The following RGS20 variants were observed in gnomAD, a reference collection of about 807,000 sequenced individuals.
RGS20 encodes regulator of G protein signaling 20, also known as gz-selective GTPase-activating protein.
Under a neutral mutation model 33.6 loss-of-function variants are expected in RGS20, and 30 were observed. The observed-to-expected ratio is 0.89, with a 90% CI of 0.67 to 1.21. The LOEUF (loss-of-function observed/expected upper bound fraction) is 1.21. Ranked by LOEUF, RGS20 falls within the 50% of genes most tolerant of loss-of-function variation. The pLI, the probability that RGS20 is intolerant of heterozygous loss-of-function variation, is 0.00. For synonymous variants in RGS20, 208 were observed against 197.9 expected (o/e 1.05, Z -0.43); for missense variants, 472 against 502.4 (o/e 0.94, Z 0.58).
At chr8:53,948,763 T>C (rs1456596605) in intron 4 of RGS20, among the ~76,000 whole-genome samples, 1 of 1,326 alleles carries the variant, frequency 7.5e-4, no homozygotes, top group Non-Finnish European at 1.2e-3. Flanking sequence ...TATTTACATA[T>C]GCTATATAAG....
intron 2 of RGS20, among the ~76,000 whole-genome samples, chr8:53,898,797 A>C (rs1019476092): frequency 1.3e-5 from 2 of 152,242 alleles, no homozygotes; most frequent in South Asian, 4.1e-4. Context: ...AATGTTGAAA[A>C]GACTATAAAT....
At chr8:53,880,928 G>A (rs1812349485) in intron 2 of RGS20, 9 of 1,551,368 alleles carry the variant, frequency 5.8e-6, no homozygotes, top group African/African-American at 1.4e-5. Flanking sequence ...CCGAGAGCCG[G>A]AGAAAGGCGA....
chr8:53,869,360 A>T (rs892033438), intron 1 of RGS20, among the ~76,000 whole-genome samples: 1 of 152,140 alleles, frequency 6.6e-6, no homozygotes, highest in Non-Finnish European at 1.5e-5. Flanking sequence ...GTTAATTCAC[A>T]TTTATTTATT....
intron 2 of RGS20, among the ~76,000 whole-genome samples, chr8:53,916,110 C>T (rs868522121): frequency 1.4e-4 from 22 of 152,196 alleles, no homozygotes; most frequent in Admixed American, 2.6e-4. Context: ...GCAGTCTCCA[C>T]CTCCTGGGCT....
intron 2 of RGS20, among the ~76,000 whole-genome samples, chr8:53,903,667 C>G (rs1051150820): frequency 6.6e-6 from 1 of 152,178 alleles, no homozygotes; most frequent in Non-Finnish European, 1.5e-5. Flanking sequence ...CTTGGCCTTG[C>G]CTACCCCACC....
chr8:53,879,907 C>G (rs1585879371), intron 2 of RGS20: 1 of 343,270 alleles, frequency 2.9e-6, no homozygotes. Flanking sequence ...AAACTCTCAG[C>G]GTGTCGCTCT....
intron 3 of RGS20, among the ~76,000 whole-genome samples, chr8:53,942,608 C>T (rs1041363010): frequency 4.6e-5 from 7 of 152,062 alleles, no homozygotes; most frequent in African/African-American, 1.7e-4. Flanking sequence ...AGGGTATAGA[C>T]AGGAGAATGG....
At chr8:53,863,573 T>C (rs1191011964) in intron 1 of RGS20, among the ~76,000 whole-genome samples, 1 of 152,100 alleles carries the variant, frequency 6.6e-6, no homozygotes, top group Non-Finnish European at 1.5e-5. Flanking sequence ...TTTTACCAAG[T>C]GAAAAGCTCA....
rs767707755 is a variant in RGS20 at position 53,954,300 on chromosome 8, C to A, written c.968C>A (p.Ser323Tyr). The A allele has an allele frequency of 6.2e-7, 1 of 1,601,776 alleles. No homozygotes were observed. Among genetic ancestry groups the A allele is most frequent in the Non-Finnish European group, 8.6e-7 (1 of 1,169,556 alleles). ...TATGAAGACTACATTTCTATACTTT[C>A]TCCTAAGGAGGTATGTGACCACGAG... Residue 323 changes from serine (S) to tyrosine (Y), a missense_variant, in exon 5 of 6, where the codon TCT becomes TAT. By Grantham distance (144) the Ser-to-Tyr change is moderately radical. Coordinates refer to ENST00000297313, the MANE Select transcript of RGS20 (RefSeq NM_170587.4).
rs113461310 is a variant in RGS20, at chr8:53,943,996, T to TACAC, written c.660-2644_660-2641dup. Among the ~76,000 whole-genome samples, 200 of 146,352 alleles carry TACAC rather than the reference T, an allele frequency of 1.4e-3. 1 individual carries two copies. The highest frequency in any genetic ancestry group is 3.9e-3 in the African/African-American group (159 of 40,282). On this transcript the variant is annotated intron_variant, in intron 3 of 5. Coordinates refer to ENST00000297313, the MANE Select transcript of RGS20 (RefSeq NM_170587.4). ...TTTTGCCTTTAAAGAAAAATAGAGC[T>TACAC]ACACACACACACACACACACACACA...
chr8:53,895,016 A>G lies in RGS20; in HGVS notation c.510+15414A>G, dbSNP rs536257144. 1.7e-3 allele frequency among the ~76,000 whole-genome samples: 266 copies of G among 152,250 alleles called. 1 individual carries two copies. Among genetic ancestry groups the G allele is most frequent in the African/African-American group, 6.2e-3 (257 of 41,556 alleles). On this transcript the variant is annotated intron_variant, in intron 2 of 5. Transcript: ENST00000297313. ...ACTCACCTCTGCTACTGTAGCAGAA[A>G]GCTGTGCGGGGAGAGGGAAGGAGGT...
chr8:53,852,146 C>G, intron 1 of RGS20: 1 of 1,277,844 alleles, frequency 7.8e-7, no homozygotes, highest in Non-Finnish European at 1.1e-6. Flanking sequence ...TATACTCAAG[C>G]TTTAGTGCCA....
intron 3 of RGS20, among the ~76,000 whole-genome samples, chr8:53,945,635 G>A (rs1259196493): frequency 1.3e-5 from 2 of 152,200 alleles, no homozygotes; most frequent in African/African-American, 4.8e-5. Flanking sequence ...TAAGAAAGTG[G>A]CCGGGCACGG....
chr8:53,892,225 A>AT (rs1222183211), intron 2 of RGS20, among the ~76,000 whole-genome samples: 11 of 152,130 alleles, frequency 7.2e-5, no homozygotes, highest in African/African-American at 2.4e-4. Flanking sequence ...CGAACTCATC[A>AT]TTTTTTATGG....
intron 4 of RGS20, among the ~76,000 whole-genome samples, chr8:53,950,803 C>T (rs932163969): frequency 6.6e-6 from 1 of 151,816 alleles, no homozygotes; most frequent in Non-Finnish European, 1.5e-5. Flanking sequence ...TTAGTAGAGA[C>T]GGGGTTTCAC....
At position 53,939,664 on chromosome 8, in the gene RGS20, CG is replaced by C; in HGVS notation, c.603del (p.Ser202ValfsTer32). The C allele has an allele frequency of 6.3e-7, 1 of 1,581,390 alleles. No homozygotes were observed. The highest frequency in any genetic ancestry group is 8.6e-7 in the Non-Finnish European group (1 of 1,164,034). On this transcript the variant is annotated frameshift_variant, in exon 3 of 6. Coordinates refer to ENST00000297313, the MANE Select transcript of RGS20 (RefSeq NM_170587.4). LOFTEE classifies it high-confidence loss of function. ...GGCGCCGCCCCAGGCCAGCCCGGAG[CG>C]GGGAGTCGCGGGTCCAACGCATGCT...
chr8:53,948,145 T>A (rs1038223457), intron 4 of RGS20, among the ~76,000 whole-genome samples: 1 of 135,796 alleles, frequency 7.4e-6, no homozygotes, highest in African/African-American at 2.7e-5. Flanking sequence ...ATATATATGA[T>A]ATAGTATATA....
intron 2 of RGS20, among the ~76,000 whole-genome samples, chr8:53,925,735 CA>C (rs1285289729): frequency 3.5e-5 from 5 of 142,696 alleles, no homozygotes; most frequent in Admixed American, 1.4e-4. Flanking sequence ...AACTCAGTCT[CA>C]AAAAAAAAAG....
chr8:53,939,266 T>TGCGTA (rs754923113), intron 2 of RGS20, among the ~76,000 whole-genome samples: 7 of 150,602 alleles, frequency 4.6e-5, no homozygotes, highest in Non-Finnish European at 9.0e-5. Flanking sequence ...TGCGTAGCAC[T>TGCGTA]GACTGCAGAG....
Sources: allele counts gnomAD v4.1 joint callset (sites outside exome capture counted in the v4.1 genomes callset), GRCh38; gene constraint gnomAD v4.1.1; transcripts MANE v1.5; gene names NCBI Gene and HGNC (gene_info 2026-07-23, HGNC 2026-07-21).